Variants in SMPD3 observed in about 807,000 individuals in gnomAD.
SMPD3 encodes nSMase-2.
In SMPD3, 21 loss-of-function variants were observed where a neutral mutation model predicts 55.7. That is an observed-to-expected ratio of 0.38 (90% CI 0.27 to 0.54). SMPD3 has a LOEUF of 0.54. SMPD3 is among the 20% of genes least tolerant of loss of function. SMPD3 has a pLI of 0.80. For missense variants in SMPD3, 842 were observed against 899.6 expected, an observed-to-expected ratio of 0.94 and a Z score of 0.82; for synonymous variants, 457 against 404.3, an observed-to-expected ratio of 1.13 and a Z score of -1.56.
chr16:68,378,588 G>A (rs2089877735), intron 2 of SMPD3, among the ~76,000 whole-genome samples: 1 of 151,098 alleles, frequency 6.6e-6, no homozygotes. Context: ...CCCTCAGTCT[G>A]TCACTCTAAT....
chr16:68,363,847 T>C lies in SMPD3; in HGVS notation c.1575A>G (p.Gln525=), dbSNP rs1274886242. 3 of 1,567,454 alleles carry C rather than the reference T, an allele frequency of 1.9e-6. No homozygotes were observed. The highest frequency in any genetic ancestry group is 1.3e-5 in the African/African-American group (1 of 74,186). Residue 525 remains glutamine, a synonymous_variant, in exon 6 of 9, where the codon CAA becomes CAG. Transcript: ENST00000219334. ...NCSSDDKLEQ[Q]HSLFTHYRDP... Reference sequence around the variant, plus strand: ...CCCTGTAGTGGGTGAACAGGGAGTGTTGCTGCTCCAGCTTGTCGTCTGTGC... The same window carrying C: ...CCCTGTAGTGGGTGAACAGGGAGTGCTGCTGCTCCAGCTTGTCGTCTGTGC...
chr16:68,395,534 G>A (rs113460574), intron 1 of SMPD3, among the ~76,000 whole-genome samples: 13 of 152,168 alleles, frequency 8.5e-5, no homozygotes, highest in African/African-American at 1.7e-4. Flanking sequence ...TCCCATAGCC[G>A]TCATGTCCCA....
In SMPD3 at chr16:68,361,835, A is replaced by G. The variant is rs568114105; in HGVS notation, c.1710-76T>C. The G allele has an allele frequency of 5.2e-5, 41 of 792,976 alleles. 1 individual carries two copies. Among genetic ancestry groups the G allele is most frequent in the South Asian group, 1.2e-4 (9 of 72,550 alleles). 49.1% of individuals were successfully genotyped at this position (792,976 alleles called of 1,614,324 possible). A position where few individuals can be genotyped will look rare whatever the true frequency, so the allele number is the denominator to read the frequency against. On this transcript the variant is annotated intron_variant, in intron 7 of 8. Coordinates refer to ENST00000219334, the MANE Select transcript of SMPD3 (RefSeq NM_018667.4). ...CCTGGCAGGGGCTGTGTGTGGAGCCATGGTCTCCTCCCAGTGTGGGAGCGG... is the reference window on the plus strand; with the variant it reads ...CCTGGCAGGGGCTGTGTGTGGAGCCGTGGTCTCCTCCCAGTGTGGGAGCGG...
intron 1 of SMPD3, among the ~76,000 whole-genome samples, chr16:68,389,037 T>C (rs964918174): frequency 2.0e-5 from 3 of 152,180 alleles, no homozygotes; most frequent in African/African-American, 7.2e-5. Context: ...CTCAGCATCA[T>C]CATTCAAAAC....
chr16:68,363,610 G>C lies in SMPD3; in HGVS notation c.1646-51C>G, dbSNP rs945691659. On this transcript the variant is annotated intron_variant, in intron 6 of 8. Coordinates refer to ENST00000219334, the MANE Select transcript of SMPD3 (RefSeq NM_018667.4). ...GGTCGCTGCAGGCAGGGCCCAGGCA[G>C]CCTCTAGGGGGTGGCCTCTGTGGGT... The C allele has an allele frequency of 2.6e-6, 4 of 1,563,422 alleles. No homozygotes were observed. In the Admixed American group the frequency reaches 6.8e-5, roughly 26 times the overall value.
At position 68,361,669 on chromosome 16, in the gene SMPD3, CT is replaced by C; in HGVS notation, c.1799del (p.Lys600ArgfsTer37). 1 of 1,612,752 alleles carries C rather than the reference CT, an allele frequency of 6.2e-7. No individual in the cohort carries two copies. On this transcript the variant is annotated frameshift_variant, in exon 8 of 9. Coordinates refer to ENST00000219334, the MANE Select transcript of SMPD3 (RefSeq NM_018667.4). LOFTEE classifies it high-confidence loss of function. The part of the protein sequence containing the change: ...SGQKGRKELL[K>X]GNGRRIDYML... ...TGTAGTCGATGCGCCGGCCGTTGCCCTTCAGCAGCTCCTTCCGCCCCTTCTG... is the reference window on the plus strand; with the variant it reads ...TGTAGTCGATGCGCCGGCCGTTGCCCTCAGCAGCTCCTTCCGCCCCTTCTG...
intron 3 of SMPD3, chr16:68,367,615 G>A (rs1422085083): frequency 6.6e-6 from 1 of 152,276 alleles, no homozygotes; most frequent in Non-Finnish European, 1.5e-5. Flanking sequence ...GCCTCAGACT[G>A]GGCCCTGCAC....
intron 1 of SMPD3, among the ~76,000 whole-genome samples, chr16:68,401,010 AC>A (rs1010528255): frequency 1.7e-4 from 26 of 152,054 alleles, no homozygotes; most frequent in African/African-American, 6.3e-4. Flanking sequence ...CCTGACCCCC[AC>A]CCCTCACCTT....
At chr16:68,431,944 C>CA (rs934417151) in intron 1 of SMPD3, among the ~76,000 whole-genome samples, 8 of 148,482 alleles carry the variant, frequency 5.4e-5, no homozygotes, top group Non-Finnish European at 1.0e-4. Flanking sequence ...CAAAACAAAA[C>CA]AAAAAAACCC....
chr16:68,360,836 T>C lies in SMPD3; in HGVS notation c.*370A>G, dbSNP rs953388935. 3.3e-5 allele frequency: 7 copies of C among 214,244 alleles called. No individual in the cohort carries two copies. The highest frequency in any genetic ancestry group is 6.6e-5 in the Non-Finnish European group (7 of 106,400). The allele number at this position is 214,244 out of a possible 1,614,324, so 13.3% of individuals were successfully genotyped here. A position where few individuals can be genotyped will look rare whatever the true frequency, so the allele number is the denominator to read the frequency against. Reference sequence around the variant, plus strand: ...GAGGGTGCAGGCATGCGAGACGACATTGGCAGCAGACAAAAATAAAGAACC... The same window carrying C: ...GAGGGTGCAGGCATGCGAGACGACACTGGCAGCAGACAAAAATAAAGAACC... On this transcript the variant is annotated 3_prime_UTR_variant, in exon 9 of 9. Coordinates refer to ENST00000219334, the MANE Select transcript of SMPD3 (RefSeq NM_018667.4).
chr16:68,361,855 G>T, intron 7 of SMPD3, 96 bp from the exon 8 acceptor site: 456 of 1,082,862 alleles, frequency 4.2e-4, no homozygotes, highest in Non-Finnish European at 5.3e-4. Context: ...CCCAGTGTGG[G>T]AGCGGGTGGG....
chr16:68,447,356 G>T lies in SMPD3; in HGVS notation c.-269+997C>A, dbSNP rs2090618275. On this transcript the variant is annotated intron_variant, in intron 1 of 8. Coordinates refer to ENST00000219334, the MANE Select transcript of SMPD3 (RefSeq NM_018667.4). The surrounding 1 kb of genome is among the most constrained non-coding windows in gnomAD (Gnocchi z 5.1). ...CTTGAGGGGAGACCCGCCCCGTCCC[G>T]CTCTGTACATGCCCATCTGGGATTG... 6.6e-6 allele frequency among the ~76,000 whole-genome samples: 1 copy of T among 152,126 alleles called. No homozygotes were observed. The highest frequency in any genetic ancestry group is 1.5e-5 in the Non-Finnish European group (1 of 68,004).
At chr16:68,403,805 C>A (rs550472133) in intron 1 of SMPD3, among the ~76,000 whole-genome samples, 26 of 152,188 alleles carry the variant, frequency 1.7e-4, no homozygotes, top group African/African-American at 5.3e-4. Flanking sequence ...AATACCCTGA[C>A]AAATATTCTG....
chr16:68,411,759 T>TC (rs1353452979), intron 1 of SMPD3, among the ~76,000 whole-genome samples: 10 of 152,236 alleles, frequency 6.6e-5, no homozygotes, highest in Non-Finnish European at 1.2e-4. Flanking sequence ...TAATGCCTTC[T>TC]CTGCCTCACC....
chr16:68,438,607 T>C (rs1388980967), intron 1 of SMPD3, among the ~76,000 whole-genome samples: 1 of 152,224 alleles, frequency 6.6e-6, no homozygotes, highest in Non-Finnish European at 1.5e-5. Flanking sequence ...CTATTTCATA[T>C]GGAAACTCTT....
chr16:68,366,420 C>T (rs939097864), intron 3 of SMPD3, among the ~76,000 whole-genome samples: 27 of 152,250 alleles, frequency 1.8e-4, no homozygotes, highest in African/African-American at 6.5e-4. Context: ...TCTGGCTGTT[C>T]AGCCCCACAG....
Position 68,370,955 on chromosome 16 carries a change from A to C in SMPD3, c.1227T>G (p.Phe409Leu). Residue 409 changes from phenylalanine to leucine, a missense_variant, in exon 3 of 9, where the codon TTT (phenylalanine) becomes TTG (leucine). This residue lies in a region of SMPD3 where 649 missense variants were observed against 643.6 expected (regional missense o/e 1.01). Transcript: ENST00000219334. The stretch of plus-strand genomic sequence containing the variant: ...CGTCCATGATGGGGTAGCGGCTGGC[A>C]AAGAGGAGGCCGCTGTTGAGACACT... ...SFKCLNSGLLFASRYPIMDVA... is the reference protein window; with the variant it reads ...SFKCLNSGLLLASRYPIMDVA... The C allele has an allele frequency of 2.5e-6, 4 of 1,614,034 alleles. No homozygotes were observed. Among genetic ancestry groups the C allele is most frequent in the Non-Finnish European group, 3.4e-6 (4 of 1,180,020 alleles).
chr16:68,361,840 C>T, intron 7 of SMPD3, 81 bp from the exon 8 acceptor site: 1 of 1,466,046 alleles, frequency 6.8e-7, no homozygotes, highest in Admixed American at 1.9e-5. Flanking sequence ...GAGCCATGGT[C>T]TCCTCCCAGT....
At chr16:68,408,961 C>A (rs1330059073) in intron 1 of SMPD3, among the ~76,000 whole-genome samples, 1 of 152,150 alleles carries the variant, frequency 6.6e-6, no homozygotes, top group African/African-American at 2.4e-5. Flanking sequence ...TGCACCCCCA[C>A]TCCCCACCGC....
Sources: allele counts gnomAD v4.1 joint callset (sites outside exome capture counted in the v4.1 genomes callset), GRCh38; gene constraint gnomAD v4.1.1; regional missense constraint gnomAD v4.1.1; non-coding constraint Gnocchi (gnomAD v3.1); transcripts MANE v1.5; gene names NCBI Gene and HGNC (gene_info 2026-07-23, HGNC 2026-07-21).